Variants in CHN2 observed in about 807,000 individuals in gnomAD.
CHN2 encodes chimerin 2, also known as beta-chimaerin.
CHN2 carries 35 observed loss-of-function variants against 56.3 expected under a neutral mutation model. The observed-to-expected ratio is 0.62, with a 90% CI of 0.47 to 0.82. The LOEUF is 0.82. Among genes scored for constraint, CHN2 ranks in the 40% least tolerant of loss-of-function variants. The probability of loss-of-function intolerance (pLI) is 0.00; values close to 1 mark genes in which losing one functional copy is unlikely to be tolerated. For missense variants in CHN2, 491 were observed against 580.5 expected, an observed-to-expected ratio of 0.85 and a Z score of 1.58; for synonymous variants, 210 against 212.8, an observed-to-expected ratio of 0.99 and a Z score of 0.12.
intron 9 of CHN2, among the ~76,000 whole-genome samples, chr7:29,503,791 C>T (rs533283802): frequency 3.5e-4 from 54 of 152,292 alleles, no homozygotes; most frequent in African/African-American, 1.2e-3. Context: ...GAATATATGG[C>T]GGCAGCAGCA....
At chr7:29,398,228 A>T in intron 4 of CHN2, 145 bp from the exon 5 acceptor site, 1 of 588,520 alleles carries the variant, frequency 1.7e-6, no homozygotes, top group Non-Finnish European at 3.0e-6. Context: ...CAAGTCACTT[A>T]AGATGGGCAG....
intron 1 of CHN2, among the ~76,000 whole-genome samples, chr7:29,270,337 A>G (rs1337350158): frequency 6.6e-6 from 1 of 152,132 alleles, no homozygotes; most frequent in East Asian, 1.9e-4. Flanking sequence ...AGCTGCATTC[A>G]TGATTTTCAA....
At chr7:29,396,425 C>T (rs1006934108) in intron 4 of CHN2, among the ~76,000 whole-genome samples, 1 of 132,952 alleles carries the variant, frequency 7.5e-6, no homozygotes, top group African/African-American at 2.9e-5. Flanking sequence ...CGCGCCATTG[C>T]ACTCCAGCTT....
In CHN2 at chr7:29,458,794, C is replaced by T. The variant is rs149769243; in HGVS notation, c.577-21485C>T. 1.3e-4 allele frequency among the ~76,000 whole-genome samples: 20 copies of T among 152,340 alleles called. No individual in the cohort carries two copies. The East Asian group carries it at 3.1e-3, about 23-fold the overall frequency. On this transcript the variant is annotated intron_variant, in intron 6 of 12. Transcript: ENST00000222792. The stretch of plus-strand genomic sequence containing the variant: ...CCACATTCTCTTGGCTATGTAAAAG[C>T]GTGCTTTAGTAGAGCAGACCCACCA...
chr7:29,229,856 A>G (rs573150069), intron 1 of CHN2, among the ~76,000 whole-genome samples: 67 of 152,298 alleles, frequency 4.4e-4, no homozygotes, highest in African/African-American at 1.5e-3. Flanking sequence ...ATGTGCCTGT[A>G]GTATCAGCTA....
intron 1 of CHN2, among the ~76,000 whole-genome samples, chr7:29,299,538 G>A (rs1793474186): frequency 6.6e-6 from 1 of 152,058 alleles, no homozygotes; most frequent in Non-Finnish European, 1.5e-5. Flanking sequence ...GCTTCATTGT[G>A]CTCATACATC....
chr7:29,346,677 G>A (rs188681258), intron 1 of CHN2, among the ~76,000 whole-genome samples: 100 of 152,206 alleles, frequency 6.6e-4, no homozygotes, highest in African/African-American at 2.1e-3. Flanking sequence ...CTCTACATCG[G>A]TGAAACTTTG....
chr7:29,475,737 T>A (rs189463528), intron 6 of CHN2, among the ~76,000 whole-genome samples: 1 of 152,296 alleles, frequency 6.6e-6, no homozygotes, highest in Admixed American at 6.5e-5. Flanking sequence ...CCTTGAAACA[T>A]GCTAAGTGAA....
intron 1 of CHN2, among the ~76,000 whole-genome samples, chr7:29,228,011 A>G (rs528524628): frequency 6.6e-6 from 1 of 152,164 alleles, no homozygotes; most frequent in Non-Finnish European, 1.5e-5. Flanking sequence ...TTCAGATTGT[A>G]TGACAAATTC....
chr7:29,364,280 A>G lies in CHN2; in HGVS notation c.89-3652A>G, dbSNP rs114816981. Among the ~76,000 whole-genome samples the G allele has an allele frequency of 5.6e-3, 858 of 152,314 alleles. 12 individuals carry two copies. The highest frequency in any genetic ancestry group is 0.02 in the African/African-American group (832 of 41,574). On this transcript the variant is annotated intron_variant, in intron 2 of 12. Transcript: ENST00000222792. ...GCCTCCACATAATGCTGACTGTGGT[A>G]TCTTGCATATAGCAGATGCTCACAT...
intron 1 of CHN2, among the ~76,000 whole-genome samples, chr7:29,308,318 C>G (rs1794327901): frequency 6.6e-6 from 1 of 152,182 alleles, no homozygotes. Context: ...CAAGAACCGG[C>G]TTCTTCCCAT....
At chr7:29,422,569 G>A (rs7777877) in intron 6 of CHN2, among the ~76,000 whole-genome samples, 35,041 of 152,242 alleles carry the variant, frequency 0.23, 4,482 homozygotes, top group Admixed American at 0.29. Flanking sequence ...TATACTTAGA[G>A]AAGCAGTTGC....
chr7:29,295,547 A>G (rs927899839), intron 1 of CHN2, among the ~76,000 whole-genome samples: 1 of 151,970 alleles, frequency 6.6e-6, no homozygotes, highest in Non-Finnish European at 1.5e-5. Context: ...TGGATCACTT[A>G]AGCCCAGGAG....
intron 1 of CHN2, among the ~76,000 whole-genome samples, chr7:29,214,687 G>A (rs549702293): frequency 6.6e-6 from 1 of 152,278 alleles, no homozygotes; most frequent in Admixed American, 6.5e-5. Flanking sequence ...TCAGGCGGAG[G>A]TAGGGACATA....
chr7:29,226,606 T>C lies in CHN2; in HGVS notation c.49+31616T>C, dbSNP rs147776783. ...GTTACATATATAGCAACGTAGGGAG[T>C]GGAACACTCACTCAATATAAAAAAA... On this transcript the variant is annotated intron_variant, in intron 1 of 12. Coordinates refer to ENST00000222792, the MANE Select transcript of CHN2 (RefSeq NM_004067.4). 2.9e-3 allele frequency among the ~76,000 whole-genome samples: 446 copies of C among 152,152 alleles called. 2 individuals are homozygous for C. The highest frequency in any genetic ancestry group is 0.01 in the African/African-American group (416 of 41,504).
In CHN2 at chr7:29,504,162, C is replaced by G. The variant is rs962757262; in HGVS notation, c.914-582C>G. Reference sequence around the variant, plus strand: ...TGTAATAGTCTAATTTTTTCCAATACAATCAGAGTAATACAGATTAGATAC... The same window carrying G: ...TGTAATAGTCTAATTTTTTCCAATAGAATCAGAGTAATACAGATTAGATAC... On this transcript the variant is annotated intron_variant, in intron 9 of 12. Transcript: ENST00000222792. 3.3e-5 allele frequency among the ~76,000 whole-genome samples: 5 copies of G among 152,206 alleles called. No homozygotes were observed. In the East Asian group the frequency reaches 9.6e-4, roughly 29 times the overall value.
chr7:29,329,895 T>C, intron 1 of CHN2, among the ~76,000 whole-genome samples: 1 of 152,248 alleles, frequency 6.6e-6, no homozygotes, highest in African/African-American at 2.4e-5. Flanking sequence ...GACAGTTTTC[T>C]GTGGTTTCTC....
At chr7:29,333,952 G>C (rs1796413104) in intron 1 of CHN2, among the ~76,000 whole-genome samples, 1 of 151,850 alleles carries the variant, frequency 6.6e-6, no homozygotes, top group African/African-American at 2.4e-5. Flanking sequence ...ACATTTTGAA[G>C]ATTACCTGGC....
intron 2 of CHN2, among the ~76,000 whole-genome samples, chr7:29,359,110 CT>C (rs1798537957): frequency 6.6e-6 from 1 of 152,156 alleles, no homozygotes; most frequent in South Asian, 2.1e-4. Flanking sequence ...GAGTCTCAGT[CT>C]TAATTGACCT....
Sources: allele counts gnomAD v4.1 joint callset (sites outside exome capture counted in the v4.1 genomes callset), GRCh38; gene constraint gnomAD v4.1.1; transcripts MANE v1.5; gene names NCBI Gene and HGNC (gene_info 2026-07-23, HGNC 2026-07-21).